The following C1orf159 variants were observed in gnomAD, a reference collection of about 807,000 sequenced individuals.
The protein encoded by C1orf159 is uncharacterized protein C1orf159.
Under a neutral mutation model 25.6 loss-of-function variants are expected in C1orf159, and 19 were observed. The observed-to-expected ratio is 0.74, with a 90% CI of 0.52 to 1.09. The LOEUF (loss-of-function observed/expected upper bound fraction) is 1.09. Ranked by LOEUF, C1orf159 falls within the 50% of genes least tolerant of loss-of-function variation. C1orf159 has a pLI of 0.00. For synonymous variants in C1orf159, 139 were observed against 124.7 expected, an observed-to-expected ratio of 1.12 and a Z score of -0.77; for missense variants, 274 against 290.6, an observed-to-expected ratio of 0.94 and a Z score of 0.42.
intron 1 of C1orf159, among the ~76,000 whole-genome samples, chr1:1,101,954 C>T (rs1179444513): frequency 2.6e-5 from 4 of 151,514 alleles, no homozygotes; most frequent in Non-Finnish European, 5.9e-5. Context: ...GGCATATAGT[C>T]CCAGCTACAT....
At chr1:1,102,582 G>A (rs2100766189) in intron 1 of C1orf159, among the ~76,000 whole-genome samples, 1 of 113,308 alleles carries the variant, frequency 8.8e-6, no homozygotes, top group Admixed American at 1.3e-4. Flanking sequence ...TTCAAGACAA[G>A]CCTGGCCAAC....
chr1:1,091,616 C>A, intron 2 of C1orf159, 51 bp from the exon 3 acceptor site: 6 of 1,158,450 alleles, frequency 5.2e-6, no homozygotes, highest in South Asian at 1.4e-5. Flanking sequence ...GGGGCTGAGG[C>A]AGGGTGGGTG....
chr1:1,086,561 C>A (rs144700744), intron 6 of C1orf159, among the ~76,000 whole-genome samples: 37 of 152,362 alleles, frequency 2.4e-4, no homozygotes, highest in African/African-American at 8.7e-4. Context: ...ACTCCCCAAC[C>A]CTGAGACACA....
intron 4 of C1orf159, among the ~76,000 whole-genome samples, chr1:1,088,526 G>A (rs896611738): frequency 1.3e-5 from 2 of 150,550 alleles, no homozygotes; most frequent in African/African-American, 4.9e-5. Context: ...CTCTCTCGGG[G>A]GATCCTGCAG....
At chr1:1,088,801 C>T (rs543995656) in intron 4 of C1orf159, among the ~76,000 whole-genome samples, 10 of 152,246 alleles carry the variant, frequency 6.6e-5, no homozygotes, top group South Asian at 2.1e-4. Flanking sequence ...ACGGGGACCC[C>T]GCGGTGGAGA....
intron 1 of C1orf159, among the ~76,000 whole-genome samples, chr1:1,098,095 G>A (rs1334946791): frequency 2.0e-5 from 3 of 150,706 alleles, no homozygotes; most frequent in African/African-American, 7.3e-5. Flanking sequence ...TTTTGAAACA[G>A]TCTCGCTCTG....
intron 1 of C1orf159, among the ~76,000 whole-genome samples, chr1:1,103,312 A>G (rs1490094385): frequency 6.6e-6 from 1 of 152,258 alleles, no homozygotes; most frequent in Non-Finnish European, 1.5e-5. Context: ...CAGCTAGGTC[A>G]TAACACAATT....
intron 1 of C1orf159, among the ~76,000 whole-genome samples, chr1:1,111,736 G>A (rs1280878479): frequency 1.3e-5 from 2 of 152,200 alleles, no homozygotes; most frequent in Non-Finnish European, 2.9e-5. Context: ...CCACTGGCGG[G>A]TTTCTCACGC....
In C1orf159 at chr1:1,090,358, C is replaced by T. The variant is rs1272551358; in HGVS notation, c.143G>A (p.Gly48Asp). Reference sequence around the variant, plus strand: ...CTTGGGACAAAGCGGCTTACCTGGACCACACAGACTTGCGCCTGGGCAGCT... The same window carrying T: ...CTTGGGACAAAGCGGCTTACCTGGATCACACAGACTTGCGCCTGGGCAGCT... ...NASCPGASLC[G>D]PGCYRRWNAD... Residue 48 changes from glycine to aspartate, a missense_variant, in exon 4 of 10, where the codon GGT becomes GAT. Transcript: ENST00000421241. 2 of 1,550,542 alleles carry T rather than the reference C, an allele frequency of 1.3e-6. No homozygotes were observed. Among genetic ancestry groups the T allele is most frequent in the Non-Finnish European group, 1.7e-6 (2 of 1,146,954 alleles).
chr1:1,091,684 G>A (rs1426745435), intron 2 of C1orf159, 119 bp from the exon 3 acceptor site: 2 of 696,598 alleles, frequency 2.9e-6, no homozygotes, highest in East Asian at 2.8e-5. Context: ...AGGCAAGGAG[G>A]GCAGAGCCAA....
chr1:1,084,248 G>A (rs529330622), intron 9 of C1orf159, 105 bp downstream of exon 9: 36 of 1,519,186 alleles, frequency 2.4e-5, no homozygotes, highest in Middle Eastern at 1.8e-4. Flanking sequence ...AGGGGTGGCC[G>A]AGATCCAGAG....
chr1:1,090,717 A>G, intron 3 of C1orf159: 1 of 759,090 alleles, frequency 1.3e-6, no homozygotes, highest in Non-Finnish European at 2.3e-6. Flanking sequence ...AGGCCATGGC[A>G]GCGCCACCGA....
At chr1:1,090,518 C>G in intron 3 of C1orf159, 90 bp from the exon 4 acceptor site, 1 of 1,335,302 alleles carries the variant, frequency 7.5e-7, no homozygotes, top group Non-Finnish European at 1.0e-6. Flanking sequence ...GCCGTGGGAG[C>G]ACATCTCAAT....
chr1:1,090,212 C>T, intron 4 of C1orf159, 141 bp downstream of exon 4: 4 of 862,674 alleles, frequency 4.6e-6, no homozygotes, highest in Non-Finnish European at 5.5e-6. Context: ...CCAAGCTCCA[C>T]AGCCCTCACT....
At chr1:1,090,702 C>A (rs1645916130) in intron 3 of C1orf159, 3 of 728,176 alleles carry the variant, frequency 4.1e-6, no homozygotes, top group Admixed American at 4.3e-5. Context: ...GGAGGCGGCA[C>A]CCGCAGGCCA....
intron 9 of C1orf159, chr1:1,084,103 A>G: frequency 6.3e-7 from 1 of 1,590,134 alleles, no homozygotes; most frequent in Non-Finnish European, 8.6e-7. Flanking sequence ...AACAGGAAAG[A>G]GCATGGAAGT....
intron 3 of C1orf159, chr1:1,091,172 G>A (rs374838521): frequency 3.3e-4 from 201 of 618,308 alleles, no homozygotes; most frequent in East Asian, 7.1e-4. Context: ...ATAGCGATGC[G>A]CGGCACGCTG....
At chr1:1,091,370 G>T in intron 3 of C1orf159, 102 bp downstream of exon 3, 1 of 1,110,306 alleles carries the variant, frequency 9.0e-7, no homozygotes, top group Non-Finnish European at 1.3e-6. Flanking sequence ...TGGGACATCA[G>T]TGTCCTAAAG....
chr1:1,088,783 G>A (rs1481085356), intron 4 of C1orf159, among the ~76,000 whole-genome samples: 2 of 152,162 alleles, frequency 1.3e-5, no homozygotes, highest in African/African-American at 4.8e-5. Context: ...CAAACGGGCC[G>A]CGGCGACACG....
Sources: allele counts gnomAD v4.1 joint callset (sites outside exome capture counted in the v4.1 genomes callset), GRCh38; gene constraint gnomAD v4.1.1; transcripts MANE v1.5; gene names NCBI Gene and HGNC (gene_info 2026-07-23, HGNC 2026-07-21).